Variants in ZBTB16 observed in about 807,000 individuals in gnomAD.
The protein encoded by ZBTB16 is zinc finger and BTB domain-containing protein 16.
A neutral mutation model predicts 56.8 loss-of-function variants in ZBTB16; 8 were observed. The observed-to-expected ratio is 0.14, with a 90% CI of 0.08 to 0.25. The LOEUF (loss-of-function observed/expected upper bound fraction) is 0.25, where lower values mean the gene tolerates loss of function less well. Among genes scored for constraint, ZBTB16 ranks in the 10% least tolerant of loss-of-function variants. The probability of loss-of-function intolerance (pLI) is 1.00; values close to 1 mark genes in which losing one functional copy is unlikely to be tolerated. For synonymous variants in ZBTB16, 363 were observed against 368.5 expected, an observed-to-expected ratio of 0.98 and a Z score of 0.17; for missense variants, 625 against 903.0, an observed-to-expected ratio of 0.69 and a Z score of 3.95.
At chr11:114,169,261 C>T (rs368012908) in intron 3 of ZBTB16, among the ~76,000 whole-genome samples, 1 of 152,164 alleles carries the variant, frequency 6.6e-6, no homozygotes, top group African/African-American at 2.4e-5. Context: ...TTACTAGCGC[C>T]TTAGACTTCA....
intron 4 of ZBTB16, among the ~76,000 whole-genome samples, chr11:114,206,839 G>C (rs1325443820): frequency 6.6e-6 from 1 of 152,188 alleles, no homozygotes; most frequent in African/African-American, 2.4e-5. Flanking sequence ...GTCTGCTGTG[G>C]CTAGACACCT....
chr11:114,157,726 A>G (rs971953400), intron 3 of ZBTB16, among the ~76,000 whole-genome samples: 2 of 152,118 alleles, frequency 1.3e-5, no homozygotes, highest in Non-Finnish European at 1.5e-5. Flanking sequence ...CCCGGCCCTC[A>G]TGGCCCTTCC....
chr11:114,165,705 A>T (rs1942731921), intron 3 of ZBTB16, among the ~76,000 whole-genome samples: 1 of 152,116 alleles, frequency 6.6e-6, no homozygotes. Context: ...CTGAAGCTTC[A>T]GCTTTACTGG....
intron 2 of ZBTB16, among the ~76,000 whole-genome samples, chr11:114,075,799 A>G (rs563407394): frequency 6.6e-6 from 1 of 152,258 alleles, no homozygotes; most frequent in South Asian, 2.1e-4. Flanking sequence ...AAAGAATGGC[A>G]TAGTGCTTTT....
At chr11:114,176,914 G>T (rs1458163604) in intron 3 of ZBTB16, among the ~76,000 whole-genome samples, 2 of 152,124 alleles carry the variant, frequency 1.3e-5, no homozygotes, top group Non-Finnish European at 2.9e-5. Context: ...TCCCATTCCA[G>T]ATAGCATAAT....
intron 2 of ZBTB16, among the ~76,000 whole-genome samples, chr11:114,119,743 A>G (rs1276717253): frequency 6.6e-6 from 1 of 152,142 alleles, no homozygotes; most frequent in East Asian, 1.9e-4. Flanking sequence ...TAAAAGACAG[A>G]GTTTTGTTAA....
Position 114,064,667 on chromosome 11 carries a change from T to C in ZBTB16, c.1268+99T>C. On this transcript the variant is annotated intron_variant, in intron 2 of 6. Transcript: ENST00000335953. This position sits in a 1 kb window ranked among gnomAD's most constrained non-coding sequence, Gnocchi z 4.2. Reference sequence around the variant, plus strand: ...TCCCAAGTTAGGGGCCTGGCTCCCCTGTCTTGGCAATTTGTGAAAAAACCA... The same window carrying C: ...TCCCAAGTTAGGGGCCTGGCTCCCCCGTCTTGGCAATTTGTGAAAAAACCA... 1 of 1,464,390 alleles carries C rather than the reference T, an allele frequency of 6.8e-7. No homozygotes were observed. Among genetic ancestry groups the C allele is most frequent in the East Asian group, 2.4e-5 (1 of 41,154 alleles). 90.7% of individuals were successfully genotyped at this position (1,464,390 alleles called of 1,614,324 possible).
chr11:114,242,206 G>A lies in ZBTB16; in HGVS notation c.1493G>A (p.Arg498His). Residue 498 changes from arginine to histidine, a missense_variant, in exon 5 of 7, where the codon CGC becomes CAC. By Grantham distance (29) the Arg-to-His change is conservative. Around this residue, in one of 6 missense-constraint regions of ZBTB16, gnomAD observed 140 missense variants for 214.8 expected, o/e 0.65. Transcript: ENST00000335953. ...GTCTTCTGTCTGCTGTGTGGGAAGC[G>A]CTTCCAGGCGCAGAGCGCACTGCAG... ...MAVFCLLCGK[R>H]FQAQSALQQH... The A allele has an allele frequency of 6.2e-7, 1 of 1,613,790 alleles. No individual in the cohort carries two copies. Among genetic ancestry groups the A allele is most frequent in the Non-Finnish European group, 8.5e-7 (1 of 1,179,940 alleles).
intron 4 of ZBTB16, among the ~76,000 whole-genome samples, chr11:114,230,638 G>GC (rs1555159037): frequency 7.8e-6 from 1 of 127,554 alleles, no homozygotes; most frequent in African/African-American, 3.1e-5. Context: ...CTGTGGGGGG[G>GC]GGGCGGGAAG....
At chr11:114,249,485 G>C (rs61904706) in intron 6 of ZBTB16, among the ~76,000 whole-genome samples, 4 of 125,730 alleles carry the variant, frequency 3.2e-5, no homozygotes, top group African/African-American at 6.0e-5. Context: ...AAAAAAAAAG[G>C]CCGGGCGCGG....
intron 2 of ZBTB16, among the ~76,000 whole-genome samples, chr11:114,118,317 T>TA (rs1941240315): frequency 6.6e-6 from 1 of 152,020 alleles, no homozygotes; most frequent in South Asian, 2.1e-4. Flanking sequence ...GCTGGGACTA[T>TA]AGGCACCTGA....
At chr11:114,248,372 C>T (rs1189144015) in intron 6 of ZBTB16, among the ~76,000 whole-genome samples, 2 of 152,332 alleles carry the variant, frequency 1.3e-5, no homozygotes, top group African/African-American at 4.8e-5. Context: ...TTCAGTGACA[C>T]CACCTTAGTT....
Position 114,137,359 on chromosome 11 carries a change from G to A in ZBTB16, c.1269-18978G>A, listed in dbSNP as rs372415095. Among the ~76,000 whole-genome samples, 23 of 152,320 alleles carry A rather than the reference G, an allele frequency of 1.5e-4. No homozygotes were observed. In the East Asian group the frequency reaches 4.4e-3, roughly 29 times the overall value. On this transcript the variant is annotated intron_variant, in intron 2 of 6. Transcript: ENST00000335953. ...CTCTCCCTAGCTCTCAGGAGGAAGAGCTCTCCAAAATGGAAGTGTCTTGGG... is the reference window on the plus strand; with the variant it reads ...CTCTCCCTAGCTCTCAGGAGGAAGAACTCTCCAAAATGGAAGTGTCTTGGG...
intron 2 of ZBTB16, among the ~76,000 whole-genome samples, chr11:114,086,531 T>C (rs992539878): frequency 2.6e-5 from 4 of 152,180 alleles, no homozygotes; most frequent in African/African-American, 9.7e-5. Flanking sequence ...AGGATAGTGA[T>C]TGTGGTTTAT....
At position 114,064,707 on chromosome 11, in the gene ZBTB16, A is replaced by G. The variant is rs1939047715; in HGVS notation, c.1268+139A>G. 12 of 1,187,198 alleles carry G rather than the reference A, an allele frequency of 1.0e-5. No individual in the cohort carries two copies. Among genetic ancestry groups the G allele is most frequent in the Non-Finnish European group, 1.4e-5 (12 of 834,626 alleles). 73.5% of individuals were successfully genotyped at this position (1,187,198 alleles called of 1,614,324 possible). On this transcript the variant is annotated intron_variant, in intron 2 of 6. Coordinates refer to ENST00000335953, the MANE Select transcript of ZBTB16 (RefSeq NM_006006.6). The surrounding 1 kb of genome is among the most constrained non-coding windows in gnomAD (Gnocchi z 4.2). ...TGAAAAAACCAGAACACTTCTTCTA[A>G]AGTTCTGGCGGGGAGGGGAGCAGGT...
intron 2 of ZBTB16, among the ~76,000 whole-genome samples, chr11:114,094,147 C>G (rs1940293636): frequency 1.3e-5 from 2 of 152,016 alleles, no homozygotes; most frequent in African/African-American, 4.8e-5. Flanking sequence ...AAGCCCGTCT[C>G]TACTAAAAAT....
At chr11:114,244,579 C>T (rs1016343015) in intron 5 of ZBTB16, among the ~76,000 whole-genome samples, 2 of 152,118 alleles carry the variant, frequency 1.3e-5, no homozygotes, top group Non-Finnish European at 2.9e-5. Context: ...CAGGTGCACA[C>T]CGTGCTTCCA....
intron 2 of ZBTB16, among the ~76,000 whole-genome samples, chr11:114,111,180 T>C (rs1182527581): frequency 6.6e-6 from 1 of 151,764 alleles, no homozygotes; most frequent in Non-Finnish European, 1.5e-5. Context: ...TGTGTGTGTG[T>C]GCACGCGCGA....
intron 2 of ZBTB16, among the ~76,000 whole-genome samples, chr11:114,121,109 CTG>C (rs1024445397): frequency 6.6e-6 from 1 of 152,192 alleles, no homozygotes; most frequent in Non-Finnish European, 1.5e-5. Flanking sequence ...AGGTATCAAA[CTG>C]GGTTTTTCAG....
Sources: allele counts gnomAD v4.1 joint callset (sites outside exome capture counted in the v4.1 genomes callset), GRCh38; gene constraint gnomAD v4.1.1; regional missense constraint gnomAD v4.1.1; non-coding constraint Gnocchi (gnomAD v3.1); transcripts MANE v1.5; gene names NCBI Gene and HGNC (gene_info 2026-07-23, HGNC 2026-07-21).